Variants in DMXL1 observed in about 807,000 individuals in gnomAD.
The protein encoded by DMXL1 is dmX-like protein 1.
A neutral mutation model predicts 319.2 loss-of-function variants in DMXL1; 99 were observed. The ratio of observed to expected loss-of-function variants is 0.31; its 90% CI spans 0.26 to 0.37. DMXL1 has a LOEUF of 0.37. Among genes scored for constraint, DMXL1 ranks in the 10% least tolerant of loss-of-function variants. DMXL1 has a pLI of 1.00. For synonymous variants in DMXL1, 1,385 were observed against 1,235.2 expected (o/e 1.12, Z -2.54); for missense variants, 3,745 against 3,595.6 (o/e 1.04, Z -1.06).
At chr5:119,107,970 A>G (rs1421635117) in intron 4 of DMXL1, among the ~76,000 whole-genome samples, 1 of 152,244 alleles carries the variant, frequency 6.6e-6, no homozygotes. Flanking sequence ...TTACCCAACT[A>G]GATCAAATTC....
In DMXL1 at chr5:119,099,857, C is replaced by T. The variant is rs536622460; in HGVS notation, c.213+1753C>T. Among the ~76,000 whole-genome samples, 3 of 152,054 alleles carry T rather than the reference C, an allele frequency of 2.0e-5. No homozygotes were observed. In the South Asian group the frequency reaches 6.2e-4, roughly 32 times the overall value. ...AAAATAAAAATAATAAGTAAATAGC[C>T]GGACATGGTAGTATGCTCCTGTAGT... On this transcript the variant is annotated intron_variant, in intron 2 of 43. Transcript: ENST00000539542.
chr5:119,123,163 C>T (rs1272511348), intron 9 of DMXL1, among the ~76,000 whole-genome samples: 2 of 151,916 alleles, frequency 1.3e-5, no homozygotes, highest in Non-Finnish European at 2.9e-5. Flanking sequence ...ACCAGTCAGG[C>T]GTAGCGGCGC....
Position 119,071,342 on chromosome 5 carries a change from C to A in DMXL1, c.-228C>A. 1.9e-6 allele frequency: 1 copy of A among 530,132 alleles called. No homozygotes were observed. Among genetic ancestry groups the A allele is most frequent in the South Asian group, 2.2e-5 (1 of 46,170 alleles). The allele number at this position is 530,132 out of a possible 1,614,324, so 32.8% of individuals were successfully genotyped here. ...GGGGAGTGACAGGTGCGCGAAGGAG[C>A]GCGGCGCTCCGCCCTCTCGCCGACC... On this transcript the variant is annotated 5_prime_UTR_variant, in exon 1 of 44. Coordinates refer to ENST00000539542, the MANE Select transcript of DMXL1 (RefSeq NM_001290321.3).
intron 1 of DMXL1, among the ~76,000 whole-genome samples, chr5:119,080,455 T>G (rs1245046670): frequency 6.6e-6 from 1 of 152,192 alleles, no homozygotes; most frequent in African/African-American, 2.4e-5. Flanking sequence ...CTGTGTTCAT[T>G]ATCTCTGTGA....
chr5:119,201,916 C>T (rs1780776823), intron 32 of DMXL1, among the ~76,000 whole-genome samples: 1 of 151,234 alleles, frequency 6.6e-6, no homozygotes, highest in African/African-American at 2.4e-5. Flanking sequence ...GTGGTAACAT[C>T]TCCTTGGTCA....
At chr5:119,161,554 C>T (rs1185624562) in intron 19 of DMXL1, among the ~76,000 whole-genome samples, 2 of 152,200 alleles carry the variant, frequency 1.3e-5, no homozygotes, top group Non-Finnish European at 2.9e-5. Flanking sequence ...CCCTGTTTGG[C>T]CTCCCAGGTT....
intron 10 of DMXL1, 83 bp from the exon 11 acceptor site, chr5:119,133,049 A>G: frequency 6.7e-7 from 1 of 1,482,034 alleles, no homozygotes; most frequent in Non-Finnish European, 9.2e-7. Context: ...CCATGTGTTC[A>G]GCTATCCAGA....
At chr5:119,239,380 C>G (rs1403870149) in intron 41 of DMXL1, among the ~76,000 whole-genome samples, 1 of 152,120 alleles carries the variant, frequency 6.6e-6, no homozygotes, top group African/African-American at 2.4e-5. Context: ...TAAGGCCACA[C>G]TTTGCACTAG....
At chr5:119,142,587 G>GGGAGT (rs1283240073) in intron 13 of DMXL1, among the ~76,000 whole-genome samples, 1 of 151,734 alleles carries the variant, frequency 6.6e-6, no homozygotes, top group Non-Finnish European at 1.5e-5. Context: ...CAGTGTTGAT[G>GGGAGT]GGAGTGTAAA....
chr5:119,240,485 G>C lies in DMXL1; in HGVS notation c.8704+14G>C. 4 of 1,578,976 alleles carry C rather than the reference G, an allele frequency of 2.5e-6. No individual in the cohort carries two copies. The highest frequency in any genetic ancestry group is 3.5e-6 in the Non-Finnish European group (4 of 1,153,194). On this transcript the variant is annotated intron_variant, in intron 42 of 43. Coordinates refer to ENST00000539542, the MANE Select transcript of DMXL1 (RefSeq NM_001290321.3). ...GTTTAGTCCATGGTAAGTTTTCAAA[G>C]CATTTTATAAATTTTGAAAGTCAGG...
At chr5:119,108,092 C>T (rs1182997739) in intron 4 of DMXL1, among the ~76,000 whole-genome samples, 2 of 152,102 alleles carry the variant, frequency 1.3e-5, no homozygotes, top group Non-Finnish European at 2.9e-5. Flanking sequence ...GCGAAGCATG[C>T]TGGCCCATAC....
intron 1 of DMXL1, among the ~76,000 whole-genome samples, chr5:119,094,145 C>T (rs1486582802): frequency 6.6e-6 from 1 of 152,172 alleles, no homozygotes; most frequent in Non-Finnish European, 1.5e-5. Flanking sequence ...ATGAAACAGC[C>T]TTCTGTTGGA....
chr5:119,094,088 A>G (rs1755399816), intron 1 of DMXL1, among the ~76,000 whole-genome samples: 1 of 152,236 alleles, frequency 6.6e-6, no homozygotes, highest in African/African-American at 2.4e-5. Flanking sequence ...GATCTAGCTG[A>G]GATAATTGAT....
chr5:119,148,985 A>G lies in DMXL1; in HGVS notation c.3158A>G (p.His1053Arg). The G allele has an allele frequency of 3.1e-6, 5 of 1,613,990 alleles. No individual in the cohort carries two copies. The highest frequency in any genetic ancestry group is 4.2e-6 in the Non-Finnish European group (5 of 1,179,874). ...PGRPVEVSCA[H>R]TNRLAVAYKQ... ...AGGCCTGTAGAAGTTAGCTGTGCAC[A>G]TACAAATCGTTTAGCAGTAGCTTAT... The change falls in exon 18 of 44, where the codon CAT becomes CGT. Residue 1053 changes from histidine (H) to arginine (R), a missense_variant. His to Arg is a conservative substitution (Grantham distance 29, BLOSUM62 0). Around this residue, in one of 4 missense-constraint regions of DMXL1, gnomAD observed 2,096 missense variants for 1,985.4 expected, o/e 1.06. Transcript: ENST00000539542.
intron 25 of DMXL1, among the ~76,000 whole-genome samples, chr5:119,173,351 CA>C (rs1251810129): frequency 0.071 from 5,407 of 76,678 alleles, 212 homozygotes; most frequent in African/African-American, 0.18. Flanking sequence ...CACCCCCCGC[CA>C]AAAAAAAAAA....
chr5:119,213,478 AATT>A (rs897457574), intron 34 of DMXL1, among the ~76,000 whole-genome samples: 30 of 152,174 alleles, frequency 2.0e-4, no homozygotes, highest in African/African-American at 7.2e-4. Flanking sequence ...ACCTCTCTCA[AATT>A]ATTCTCATTA....
In DMXL1 at chr5:119,219,758, G is replaced by A. The variant is rs531953532; in HGVS notation, c.8014-714G>A. 2.7e-3 allele frequency among the ~76,000 whole-genome samples: 410 copies of A among 152,102 alleles called. 3 individuals carry two copies. The highest frequency in any genetic ancestry group is 9.8e-3 in the African/African-American group (405 of 41,514). On this transcript the variant is annotated intron_variant, in intron 35 of 43. Coordinates refer to ENST00000539542, the MANE Select transcript of DMXL1 (RefSeq NM_001290321.3). ...AATTTTTGTATTTTTTGTAGAGACA[G>A]TGTTTTGCCATGTTGCCCAGGCTAC...
chr5:119,071,176 C>G lies in DMXL1; in HGVS notation c.-394C>G, dbSNP rs1749442990. 1.3e-5 allele frequency: 3 copies of G among 237,986 alleles called. No homozygotes were observed. The highest frequency in any genetic ancestry group is 8.7e-5 in the South Asian group (2 of 23,116). 14.7% of individuals were successfully genotyped at this position (237,986 alleles called of 1,614,324 possible). A position where few individuals can be genotyped will look rare whatever the true frequency, so the allele number is the denominator to read the frequency against. On this transcript the variant is annotated 5_prime_UTR_variant, in exon 1 of 44. Transcript: ENST00000539542. ...GTCAGGCGGGGAGTGCGAGCGCGTA[C>G]TGCTTGCGCCACTCGGGCTGGGTCA...
intron 6 of DMXL1, among the ~76,000 whole-genome samples, chr5:119,114,922 C>T (rs1229647405): frequency 6.6e-6 from 1 of 152,202 alleles, no homozygotes; most frequent in Non-Finnish European, 1.5e-5. Flanking sequence ...CCCACCTCGG[C>T]CTCCCAAAGT....
Sources: allele counts gnomAD v4.1 joint callset (sites outside exome capture counted in the v4.1 genomes callset), GRCh38; gene constraint gnomAD v4.1.1; regional missense constraint gnomAD v4.1.1; transcripts MANE v1.5; gene names NCBI Gene and HGNC (gene_info 2026-07-23, HGNC 2026-07-21).